LYPLA1: variants seen among roughly 807,000 people sequenced by gnomAD.
LYPLA1 encodes acyl-protein thioesterase 1.
LYPLA1 carries 17 observed loss-of-function variants against 34.0 expected under a neutral mutation model. The ratio of observed to expected loss-of-function variants is 0.50; its 90% CI spans 0.34 to 0.75. The LOEUF (loss-of-function observed/expected upper bound fraction) is 0.75, where lower values mean the gene tolerates loss of function less well. LYPLA1 is among the 30% of genes least tolerant of loss of function. LYPLA1 has a pLI of 0.01. For missense variants in LYPLA1, 203 were observed against 288.8 expected, an observed-to-expected ratio of 0.70 and a Z score of 2.15; for synonymous variants, 98 against 100.8, an observed-to-expected ratio of 0.97 and a Z score of 0.17.
intron 2 of LYPLA1, chr8:54,073,174 C>A: frequency 1.3e-6 from 1 of 752,532 alleles, no homozygotes; most frequent in South Asian, 1.3e-5. Flanking sequence ...CCAGGAGGAG[C>A]CTGCAATTCA....
chr8:54,057,634 G>A (rs1806302934), intron 5 of LYPLA1, among the ~76,000 whole-genome samples: 1 of 152,168 alleles, frequency 6.6e-6, no homozygotes, highest in African/African-American at 2.4e-5. Flanking sequence ...GACACAGACA[G>A]TAGTAGAAGT....
intron 2 of LYPLA1, among the ~76,000 whole-genome samples, chr8:54,099,078 A>G (rs1466022628): frequency 2.0e-5 from 3 of 151,934 alleles, no homozygotes; most frequent in African/African-American, 7.2e-5. Context: ...AATAGTCTTC[A>G]CCATTTTTAC....
At chr8:54,091,488 AAAAAGAAAAG>A (rs1174255787) in intron 2 of LYPLA1, among the ~76,000 whole-genome samples, 1 of 151,698 alleles carries the variant, frequency 6.6e-6, no homozygotes, top group African/African-American at 2.4e-5. Context: ...ACTGTCTCAA[AAAAAGAAAAG>A]AAAAGAAAAG....
chr8:54,076,431 G>A (rs937443026), intron 2 of LYPLA1, among the ~76,000 whole-genome samples: 4 of 152,146 alleles, frequency 2.6e-5, no homozygotes, highest in East Asian at 1.9e-4. Flanking sequence ...CTGCAGATGC[G>A]GATCCTGACT....
intron 2 of LYPLA1, among the ~76,000 whole-genome samples, chr8:54,066,489 A>G (rs958546043): frequency 1.3e-5 from 2 of 152,152 alleles, no homozygotes; most frequent in Non-Finnish European, 2.9e-5. Context: ...ACACAAAGAA[A>G]AAAAGCCTTG....
At chr8:54,087,594 G>C (rs1219777293) in intron 2 of LYPLA1, among the ~76,000 whole-genome samples, 1 of 152,226 alleles carries the variant, frequency 6.6e-6, no homozygotes, top group Non-Finnish European at 1.5e-5. Context: ...CACGCAATGG[G>C]AGACAATATT....
At chr8:54,092,690 T>G (rs1809390484) in intron 2 of LYPLA1, among the ~76,000 whole-genome samples, 1 of 152,138 alleles carries the variant, frequency 6.6e-6, no homozygotes, top group Non-Finnish European at 1.5e-5. Flanking sequence ...ACTCAAGATT[T>G]AAGAATTCTG....
At chr8:54,052,523 TG>T (rs1267815712) in intron 7 of LYPLA1, 131 bp downstream of exon 7, 4 of 617,888 alleles carry the variant, frequency 6.5e-6, no homozygotes, top group Non-Finnish European at 1.1e-5. Context: ...TGCTCAGTTT[TG>T]CTGTGAATTT....
intron 2 of LYPLA1, among the ~76,000 whole-genome samples, chr8:54,079,078 A>T (rs770006690): frequency 1.4e-4 from 22 of 152,032 alleles, no homozygotes; most frequent in Non-Finnish European, 2.6e-4. Flanking sequence ...CCTGAGTCCA[A>T]GCAATTCTCG....
At chr8:54,099,678 A>G (rs1809962460) in intron 2 of LYPLA1, among the ~76,000 whole-genome samples, 3 of 151,626 alleles carry the variant, frequency 2.0e-5, no homozygotes, top group Admixed American at 2.0e-4. Context: ...ACAAACAAAA[A>G]TCTAGCCTAA....
At chr8:54,100,844 C>A (rs1213299727) in intron 2 of LYPLA1, 64 bp downstream of exon 2, 5 of 1,305,908 alleles carry the variant, frequency 3.8e-6, no homozygotes, top group Non-Finnish European at 4.4e-6. Flanking sequence ...AACCTTTGAA[C>A]GCGTAAACAA....
intron 2 of LYPLA1, among the ~76,000 whole-genome samples, chr8:54,069,541 C>G (rs1408661341): frequency 6.6e-6 from 1 of 151,998 alleles, no homozygotes; most frequent in Non-Finnish European, 1.5e-5. Context: ...TGGTGAAACC[C>G]CGTCTCTACT....
At chr8:54,063,251 G>T in intron 4 of LYPLA1, 77 bp downstream of exon 4, 2 of 893,582 alleles carry the variant, frequency 2.2e-6, no homozygotes, top group East Asian at 2.8e-5. Flanking sequence ...AATAAAAACT[G>T]CTGTACACAA....
intron 2 of LYPLA1, among the ~76,000 whole-genome samples, chr8:54,083,755 G>C (rs1808480827): frequency 6.6e-6 from 1 of 152,272 alleles, no homozygotes; most frequent in East Asian, 1.9e-4. Flanking sequence ...TTTAGAAAAA[G>C]TAAAAACACG....
At chr8:54,078,763 T>G (rs1157448110) in intron 2 of LYPLA1, among the ~76,000 whole-genome samples, 1 of 152,170 alleles carries the variant, frequency 6.6e-6, no homozygotes, top group African/African-American at 2.4e-5. Context: ...GAGACAAGAT[T>G]ATAGATTCTG....
intron 2 of LYPLA1, among the ~76,000 whole-genome samples, chr8:54,096,049 GTTAAC>G (rs1341823803): frequency 3.3e-5 from 5 of 152,178 alleles, no homozygotes; most frequent in African/African-American, 1.2e-4. Flanking sequence ...TACCATCAGT[GTTAAC>G]TTCTTAATGA....
intron 3 of LYPLA1, among the ~76,000 whole-genome samples, chr8:54,065,459 AAAATAAAT>A (rs4014133): frequency 1.2e-4 from 18 of 146,004 alleles, no homozygotes; most frequent in South Asian, 2.2e-4. Flanking sequence ...CTCTGTCTCA[AAAATAAAT>A]AAATAAATAA....
chr8:54,086,787 C>G (rs1350486347), intron 2 of LYPLA1, among the ~76,000 whole-genome samples: 3 of 152,076 alleles, frequency 2.0e-5, no homozygotes. Context: ...AAGGTTGAGG[C>G]TGCAGTGAGC....
chr8:54,079,056 C>T (rs1808119202), intron 2 of LYPLA1, among the ~76,000 whole-genome samples: 1 of 152,076 alleles, frequency 6.6e-6, no homozygotes, highest in African/African-American at 2.4e-5. Flanking sequence ...TGGCTCACTG[C>T]AACCTCCGAC....
Sources: allele counts gnomAD v4.1 joint callset (sites outside exome capture counted in the v4.1 genomes callset), GRCh38; gene constraint gnomAD v4.1.1; transcripts MANE v1.5; gene names NCBI Gene and HGNC (gene_info 2026-07-23, HGNC 2026-07-21).